SNRNP48: variants seen among roughly 807,000 people sequenced by gnomAD.
SNRNP48 encodes the protein small nuclear ribonucleoprotein U11/U12 subunit 48.
In SNRNP48, 43 loss-of-function variants were observed where a neutral mutation model predicts 47.0. The observed-to-expected ratio is 0.92, with a 90% CI of 0.72 to 1.18. SNRNP48 has a LOEUF of 1.18. Among genes scored for constraint, SNRNP48 ranks in the 50% most tolerant of loss-of-function variants. The pLI is 0.00. For synonymous variants in SNRNP48, 138 were observed against 144.0 expected, an observed-to-expected ratio of 0.96 and a Z score of 0.30; for missense variants, 396 against 422.2, an observed-to-expected ratio of 0.94 and a Z score of 0.54.
At chr6:7,601,891 T>C (rs1390149483) in intron 5 of SNRNP48, among the ~76,000 whole-genome samples, 1 of 152,162 alleles carries the variant, frequency 6.6e-6, no homozygotes. Context: ...TCTTACTCTG[T>C]CACCCGGGCT....
intron 5 of SNRNP48, 149 bp downstream of exon 5, chr6:7,601,673 C>A: frequency 1.4e-6 from 1 of 733,198 alleles, no homozygotes; most frequent in Non-Finnish European, 2.1e-6. Flanking sequence ...CCCTCTGTGT[C>A]TGTGGGTTCC....
At chr6:7,608,339 C>A (rs770740780) in intron 8 of SNRNP48, among the ~76,000 whole-genome samples, 3 of 152,034 alleles carry the variant, frequency 2.0e-5, no homozygotes, top group Non-Finnish European at 4.4e-5. Flanking sequence ...GGTGGATCAC[C>A]TGAGGTCAGG....
intron 8 of SNRNP48, 118 bp from the exon 9 acceptor site, chr6:7,608,707 G>T: frequency 2.5e-6 from 1 of 393,998 alleles, no homozygotes; most frequent in South Asian, 1.0e-4. Context: ...TTTTCAAATA[G>T]AATGTTAAAG....
At chr6:7,595,439 A>AT (rs921147029) in intron 4 of SNRNP48, among the ~76,000 whole-genome samples, 3 of 152,154 alleles carry the variant, frequency 2.0e-5, no homozygotes, top group Admixed American at 1.3e-4. Context: ...TTAATTTAGG[A>AT]TTTTTTCAAT....
intron 1 of SNRNP48, among the ~76,000 whole-genome samples, chr6:7,590,751 G>C (rs979643671): frequency 6.6e-6 from 1 of 152,246 alleles, no homozygotes; most frequent in Non-Finnish European, 1.5e-5. Context: ...GCCAAGGCGG[G>C]AGGATCCCTT....
At chr6:7,600,192 C>G (rs1318757864) in intron 4 of SNRNP48, 1 of 987,920 alleles carries the variant, frequency 1.0e-6, no homozygotes, top group Admixed American at 6.0e-5. Context: ...TTATGTATAG[C>G]CGTGTTAAAC....
At chr6:7,594,032 G>A (rs560880642) in intron 2 of SNRNP48, 67 bp from the exon 3 acceptor site, 1 of 1,078,940 alleles carries the variant, frequency 9.3e-7, no homozygotes, top group African/African-American at 1.6e-5. Flanking sequence ...CTAATCTATT[G>A]TTTAGGTCAA....
chr6:7,595,548 G>C (rs1036392292), intron 4 of SNRNP48, among the ~76,000 whole-genome samples: 8 of 152,148 alleles, frequency 5.3e-5, no homozygotes, highest in African/African-American at 1.9e-4. Flanking sequence ...CAACTTAACG[G>C]TATTTTCAGT....
chr6:7,594,061 A>T (rs1002998388), intron 2 of SNRNP48, 38 bp from the exon 3 acceptor site: 2 of 1,210,274 alleles, frequency 1.7e-6, no homozygotes, highest in Non-Finnish European at 2.3e-6. Context: ...ATAGTCAATT[A>T]TCTGATACTT....
intron 4 of SNRNP48, among the ~76,000 whole-genome samples, chr6:7,599,033 A>T (rs1321952971): frequency 1.3e-5 from 2 of 152,186 alleles, no homozygotes; most frequent in African/African-American, 2.4e-5. Flanking sequence ...ACTATCAAAG[A>T]AACTTAAAAA....
rs762676408 is a variant in SNRNP48 at position 7,606,206 on chromosome 6, C to G, written c.971+11C>G. The G allele has an allele frequency of 1.3e-6, 2 of 1,593,002 alleles. No homozygotes were observed. The highest frequency in any genetic ancestry group is 1.1e-5 in the South Asian group (1 of 87,498). On this transcript the variant is annotated intron_variant, in intron 8 of 8. Transcript: ENST00000342415. Reference sequence around the variant, plus strand: ...AAGAAGGAAAGAGAGGTGGGTCTAACCCTGCATCATCCAACGTTGAATTCT... The same window carrying G: ...AAGAAGGAAAGAGAGGTGGGTCTAAGCCTGCATCATCCAACGTTGAATTCT...
At chr6:7,595,169 A>G in intron 4 of SNRNP48, 68 bp downstream of exon 4, 1 of 1,350,656 alleles carries the variant, frequency 7.4e-7, no homozygotes, top group Non-Finnish European at 1.0e-6. Context: ...GCATGTTACT[A>G]ATTTTCTTCA....
At position 7,602,757 on chromosome 6, in the gene SNRNP48, TA is replaced by T; in HGVS notation, c.717+15del. The T allele has an allele frequency of 6.5e-7, 1 of 1,531,840 alleles. No homozygotes were observed. The highest frequency in any genetic ancestry group is 8.7e-7 in the Non-Finnish European group (1 of 1,144,052). 94.9% of individuals were successfully genotyped at this position (1,531,840 alleles called of 1,614,324 possible). On this transcript the variant is annotated intron_variant, in intron 6 of 8. Coordinates refer to ENST00000342415, the MANE Select transcript of SNRNP48 (RefSeq NM_152551.4). ...ATCATATACTGAGGTAAGTTTTACA[TA>T]ATCTTTGTTGATAAGAATTTCCCTT... is the stretch of plus-strand genomic sequence containing the variant.
chr6:7,593,634 T>C, intron 1 of SNRNP48, 100 bp from the exon 2 acceptor site: 1 of 647,138 alleles, frequency 1.5e-6, no homozygotes, highest in African/African-American at 1.9e-5. Context: ...GAGGATGCAC[T>C]ATACAGTACT....
intron 1 of SNRNP48, 106 bp downstream of exon 1, chr6:7,590,519 C>G (rs1286671367): frequency 1.7e-6 from 2 of 1,193,090 alleles, no homozygotes; most frequent in African/African-American, 3.1e-5. Context: ...GCGAGGAGTC[C>G]TCGTCCGTGT....
chr6:7,594,099 G>T lies in SNRNP48; in HGVS notation c.271G>T (p.Asp91Tyr). The T allele has an allele frequency of 7.0e-7, 1 of 1,431,902 alleles. No homozygotes were observed. Among genetic ancestry groups the T allele is most frequent in the South Asian group, 1.4e-5 (1 of 73,282 alleles). 88.7% of individuals were successfully genotyped at this position (1,431,902 alleles called of 1,614,324 possible). Residue 91 changes from aspartate (D) to tyrosine (Y), a missense_variant and splice_region_variant, in exon 3 of 9, where the codon GAT (aspartate) becomes TAT (tyrosine). Transcript: ENST00000342415. ...GAACAGTAAGATTCTTTTTTTTCAG[G>T]ATGAAATGTATAATCCTGAGTTTTT... ...RKMGYTKEEE[D>Y]EMYNPEFFYE...
At chr6:7,593,342 T>C (rs899689497) in intron 1 of SNRNP48, among the ~76,000 whole-genome samples, 1 of 152,102 alleles carries the variant, frequency 6.6e-6, no homozygotes, top group Admixed American at 6.5e-5. Context: ...AGTGTGACCT[T>C]CCAAGAGTTC....
In SNRNP48 at chr6:7,601,498, T is replaced by C. The variant is rs1191133071; in HGVS notation, c.569T>C (p.Val190Ala). 1 of 1,581,836 alleles carries C rather than the reference T, an allele frequency of 6.3e-7. No homozygotes were observed. Residue 190 changes from valine to alanine, a missense_variant, in exon 5 of 9, where the codon GTA becomes GCA. Transcript: ENST00000342415. Reference sequence around the variant, plus strand: ...ATTGAAAATGACAGCGATCTCTTTGTAGACTTGGCTGCCAAAATCAATCAA... The same window carrying C: ...ATTGAAAATGACAGCGATCTCTTTGCAGACTTGGCTGCCAAAATCAATCAA... Reference protein sequence around the residue: ...QIIENDSDLFVDLAAKINQDN... With the variant: ...QIIENDSDLFADLAAKINQDN...
chr6:7,605,930 G>T, intron 7 of SNRNP48, 101 bp from the exon 8 acceptor site: 3 of 1,185,958 alleles, frequency 2.5e-6, no homozygotes, highest in Non-Finnish European at 3.6e-6. Context: ...ATCTACCATT[G>T]GTTTGATATA....
Sources: gnomAD v4.1 joint callset for allele counts (sites outside exome capture counted in the v4.1 genomes callset) on GRCh38, gnomAD v4.1.1 for gene constraint, MANE v1.5 for transcripts, NCBI Gene and HGNC (gene_info 2026-07-23, HGNC 2026-07-21) for gene names.